Variants in SGCZ observed in about 807,000 individuals in gnomAD.
SGCZ encodes the protein zeta-sarcoglycan.
Under a neutral mutation model 41.3 loss-of-function variants are expected in SGCZ, and 40 were observed. That is an observed-to-expected ratio of 0.97 (90% CI 0.75 to 1.26). SGCZ has a LOEUF of 1.26. Ranked by LOEUF, SGCZ falls within the 50% of genes most tolerant of loss-of-function variation. SGCZ has a pLI of 0.00. For missense variants in SGCZ, 552 were observed against 369.8 expected (o/e 1.49, Z -4.04); for synonymous variants, 206 against 137.5 (o/e 1.50, Z -3.49).
intron 1 of SGCZ, among the ~76,000 whole-genome samples, chr8:14,806,070 C>T (rs1490571597): frequency 6.6e-6 from 1 of 151,526 alleles, no homozygotes; most frequent in African/African-American, 2.4e-5. Flanking sequence ...CTCTGGGACG[C>T]ATTCAAAGCA....
chr8:14,640,183 C>T (rs1806975842), intron 1 of SGCZ, among the ~76,000 whole-genome samples: 1 of 151,566 alleles, frequency 6.6e-6, no homozygotes. Flanking sequence ...ATAGTAAAAG[C>T]AATTAAAATT....
chr8:14,153,916 C>T (rs1227692447), intron 5 of SGCZ, among the ~76,000 whole-genome samples: 1 of 115,792 alleles, frequency 8.6e-6, no homozygotes, highest in South Asian at 3.0e-4. Context: ...CTCTCTCTCT[C>T]TCTCTCTCAC....
At position 14,934,860 on chromosome 8, in the gene SGCZ, C is replaced by G. The variant is rs967131556; in HGVS notation, c.39+302725G>C. Among the ~76,000 whole-genome samples the G allele has an allele frequency of 1.4e-4, 21 of 151,374 alleles. No individual in the cohort carries two copies. The Middle Eastern group carries it at 0.014, about 100-fold the overall frequency. Reference sequence around the variant, plus strand: ...TACCTACAAAGAAACAACAGCTAGACAGACAGGTTTCTCCTAAACAAGAAA... The same window carrying G: ...TACCTACAAAGAAACAACAGCTAGAGAGACAGGTTTCTCCTAAACAAGAAA... On this transcript the variant is annotated intron_variant, in intron 1 of 7. Transcript: ENST00000382080.
At chr8:14,142,957 C>T (rs1305340701) in intron 5 of SGCZ, among the ~76,000 whole-genome samples, 1 of 151,204 alleles carries the variant, frequency 6.6e-6, no homozygotes, top group African/African-American at 2.4e-5. Flanking sequence ...TCCTGTATAG[C>T]CTGTGGAACC....
At chr8:14,195,891 C>T (rs559639739) in intron 4 of SGCZ, among the ~76,000 whole-genome samples, 4 of 152,104 alleles carry the variant, frequency 2.6e-5, no homozygotes, top group Admixed American at 2.0e-4. Context: ...CCTGCACTAT[C>T]GGGAATGTTA....
At chr8:14,201,676 T>G (rs1805460123) in intron 4 of SGCZ, among the ~76,000 whole-genome samples, 1 of 152,190 alleles carries the variant, frequency 6.6e-6, no homozygotes, top group Non-Finnish European at 1.5e-5. Context: ...TGTATTTGTT[T>G]GATACCTCTT....
At chr8:14,852,476 A>G (rs369833430) in intron 1 of SGCZ, among the ~76,000 whole-genome samples, 2 of 152,180 alleles carry the variant, frequency 1.3e-5, no homozygotes, top group East Asian at 3.9e-4. Flanking sequence ...GATTGAGTAA[A>G]AGTCTAATCA....
chr8:14,748,127 G>A (rs1178942731), intron 1 of SGCZ, among the ~76,000 whole-genome samples: 1 of 151,994 alleles, frequency 6.6e-6, no homozygotes, highest in African/African-American at 2.4e-5. Context: ...GTGTGTCCAA[G>A]CTTCATGAAT....
intron 1 of SGCZ, among the ~76,000 whole-genome samples, chr8:14,874,922 T>G (rs990986476): frequency 6.6e-6 from 1 of 152,150 alleles, no homozygotes; most frequent in Non-Finnish European, 1.5e-5. Flanking sequence ...AGTCAATTTA[T>G]TTTGAGAAAA....
chr8:14,195,574 T>C (rs1344421176), intron 4 of SGCZ, among the ~76,000 whole-genome samples: 1 of 151,930 alleles, frequency 6.6e-6, no homozygotes, highest in Non-Finnish European at 1.5e-5. Flanking sequence ...AGCACAAAAA[T>C]ACAAAGAGGA....
intron 1 of SGCZ, among the ~76,000 whole-genome samples, chr8:14,598,079 T>C (rs1414244891): frequency 6.6e-6 from 1 of 152,220 alleles, no homozygotes; most frequent in African/African-American, 2.4e-5. Context: ...TTTCTATATA[T>C]GACTACATTG....
chr8:14,745,163 G>A (rs1043747318), intron 1 of SGCZ, among the ~76,000 whole-genome samples: 2 of 151,822 alleles, frequency 1.3e-5, no homozygotes, highest in Admixed American at 6.6e-5. Context: ...TTTCTCTTTC[G>A]CTGTGCAACA....
chr8:14,729,814 G>T (rs1298681310), intron 1 of SGCZ, among the ~76,000 whole-genome samples: 1 of 152,196 alleles, frequency 6.6e-6, no homozygotes, highest in Admixed American at 6.5e-5. Flanking sequence ...GGAAGGCATG[G>T]TGGCTCACAC....
chr8:14,492,281 G>A (rs1272817069), intron 2 of SGCZ, among the ~76,000 whole-genome samples: 1 of 152,030 alleles, frequency 6.6e-6, no homozygotes, highest in South Asian at 2.1e-4. Flanking sequence ...AAATGAATTG[G>A]GATAATGGGT....
At chr8:14,474,718 A>G (rs1039515414) in intron 2 of SGCZ, among the ~76,000 whole-genome samples, 2 of 152,188 alleles carry the variant, frequency 1.3e-5, no homozygotes, top group Admixed American at 6.5e-5. Flanking sequence ...AAACTAAAAC[A>G]CTTAAATTTA....
intron 1 of SGCZ, among the ~76,000 whole-genome samples, chr8:15,057,450 G>A (rs912462647): frequency 6.6e-6 from 1 of 152,070 alleles, no homozygotes; most frequent in Non-Finnish European, 1.5e-5. Context: ...AATCATCAAA[G>A]GTTCCCCCAT....
intron 1 of SGCZ, among the ~76,000 whole-genome samples, chr8:15,110,056 G>C (rs919540805): frequency 2.0e-5 from 3 of 152,106 alleles, no homozygotes; most frequent in Non-Finnish European, 4.4e-5. Flanking sequence ...ATTATTCAGA[G>C]ACATTTTATC....
chr8:14,953,823 A>G lies in SGCZ; in HGVS notation c.39+283762T>C, dbSNP rs1303096860. Among the ~76,000 whole-genome samples the G allele has an allele frequency of 3.3e-5, 5 of 152,234 alleles. No homozygotes were observed. In the South Asian group the frequency reaches 1.0e-3, roughly 32 times the overall value. ...AAATACTCAAGCAATATACACTATT[A>G]TGATTACTTCAGAGAGTTCAGTTCT... is the stretch of plus-strand genomic sequence containing the variant. On this transcript the variant is annotated intron_variant, in intron 1 of 7. Transcript: ENST00000382080.
At chr8:14,291,312 C>T (rs1210968751) in intron 3 of SGCZ, among the ~76,000 whole-genome samples, 1 of 150,472 alleles carries the variant, frequency 6.6e-6, no homozygotes, top group East Asian at 2.0e-4. Context: ...AATATTCTTA[C>T]TGCAAAGAAA....
Sources: allele counts gnomAD v4.1 joint callset (sites outside exome capture counted in the v4.1 genomes callset), GRCh38; gene constraint gnomAD v4.1.1; transcripts MANE v1.5; gene names NCBI Gene and HGNC (gene_info 2026-07-23, HGNC 2026-07-21).